Variants in PRTFDC1 observed in about 807,000 individuals in gnomAD.
PRTFDC1 encodes phosphoribosyl transferase domain containing 1.
In PRTFDC1, 38 loss-of-function variants were observed where a neutral mutation model predicts 34.6. That is an observed-to-expected ratio of 1.10 (90% confidence interval 0.85 to 1.44). PRTFDC1 has a LOEUF of 1.44. Ranked by LOEUF, PRTFDC1 falls within the 40% of genes most tolerant of loss-of-function variation. PRTFDC1 has a pLI of 0.00. For missense variants in PRTFDC1, 270 were observed against 283.0 expected (o/e 0.95, Z 0.33); for synonymous variants, 93 against 98.1 (o/e 0.95, Z 0.31).
At chr10:24,949,110 G>A (rs907909926) in intron 1 of PRTFDC1, among the ~76,000 whole-genome samples, 5 of 151,996 alleles carry the variant, frequency 3.3e-5, no homozygotes, top group African/African-American at 1.2e-4. Flanking sequence ...CCTTTTTTCA[G>A]ATGGGGTCTC....
intron 3 of PRTFDC1, among the ~76,000 whole-genome samples, chr10:24,905,985 A>G (rs1363758032): frequency 6.6e-6 from 1 of 152,026 alleles, no homozygotes; most frequent in Non-Finnish European, 1.5e-5. Flanking sequence ...TCCCACCAAT[A>G]AGTGAGAACA....
intron 4 of PRTFDC1, among the ~76,000 whole-genome samples, chr10:24,871,175 T>C (rs755780609): frequency 2.0e-5 from 3 of 152,020 alleles, no homozygotes; most frequent in Non-Finnish European, 4.4e-5. Context: ...ACCCGGGCAT[T>C]GCATAACGAT....
At chr10:24,945,666 A>G (rs1390510149) in intron 1 of PRTFDC1, among the ~76,000 whole-genome samples, 1 of 152,170 alleles carries the variant, frequency 6.6e-6, no homozygotes, top group Non-Finnish European at 1.5e-5. Context: ...TATGTTGCCC[A>G]GGCTGGTCTC....
chr10:24,902,253 A>T (rs765888333), intron 3 of PRTFDC1, among the ~76,000 whole-genome samples: 2 of 151,614 alleles, frequency 1.3e-5, no homozygotes, highest in African/African-American at 4.9e-5. Context: ...AGCAATCCAC[A>T]TTCTAGTTAG....
intron 3 of PRTFDC1, among the ~76,000 whole-genome samples, chr10:24,878,747 A>G (rs933309619): frequency 1.3e-5 from 2 of 152,164 alleles, no homozygotes; most frequent in African/African-American, 2.4e-5. Flanking sequence ...GGAAGAATAC[A>G]TATCCTAAAT....
intron 1 of PRTFDC1, chr10:24,951,440 C>G (rs1849343110): frequency 1.8e-6 from 1 of 546,252 alleles, no homozygotes; most frequent in African/African-American, 2.1e-5. Context: ...TAAATCAACT[C>G]CTCATCCTTT....
chr10:24,881,061 C>T (rs372427265), intron 3 of PRTFDC1, among the ~76,000 whole-genome samples: 19 of 119,952 alleles, frequency 1.6e-4, no homozygotes, highest in Admixed American at 3.9e-4. Flanking sequence ...CTTTTCTTTC[C>T]TTCCTTCCTT....
intron 3 of PRTFDC1, among the ~76,000 whole-genome samples, chr10:24,898,259 G>A (rs898972569): frequency 7.4e-6 from 1 of 134,404 alleles, no homozygotes; most frequent in African/African-American, 2.7e-5. Flanking sequence ...AGACCAGCCT[G>A]GGAAACATGG....
chr10:24,871,681 G>A (rs1328184344), intron 4 of PRTFDC1, among the ~76,000 whole-genome samples: 2 of 151,864 alleles, frequency 1.3e-5, no homozygotes, highest in East Asian at 1.9e-4. Context: ...TAAATAAAGG[G>A]AAAGCTTCCT....
chr10:24,854,968 T>C (rs529968253), intron 7 of PRTFDC1, among the ~76,000 whole-genome samples: 1 of 152,330 alleles, frequency 6.6e-6, no homozygotes, highest in East Asian at 1.9e-4. Flanking sequence ...CCTATGTGTC[T>C]GAGTCAGTCC....
At chr10:24,907,609 T>A (rs1848557577) in intron 3 of PRTFDC1, among the ~76,000 whole-genome samples, 1 of 151,986 alleles carries the variant, frequency 6.6e-6, no homozygotes, top group African/African-American at 2.4e-5. Flanking sequence ...AAAATAAAAA[T>A]CAAAATCAAG....
At chr10:24,941,383 T>C (rs1018845361) in intron 2 of PRTFDC1, among the ~76,000 whole-genome samples, 6 of 151,954 alleles carry the variant, frequency 3.9e-5, no homozygotes, top group Non-Finnish European at 8.8e-5. Flanking sequence ...TTTTTTTTTT[T>C]TTTGAGACAA....
chr10:24,868,764 C>A (rs1847827948), intron 4 of PRTFDC1, among the ~76,000 whole-genome samples: 1 of 149,790 alleles, frequency 6.7e-6, no homozygotes, highest in African/African-American at 2.5e-5. Context: ...AAACAAGTAC[C>A]CACTAACTGT....
chr10:24,880,960 T>C (rs1848069161), intron 3 of PRTFDC1, among the ~76,000 whole-genome samples: 2 of 151,288 alleles, frequency 1.3e-5, no homozygotes, highest in South Asian at 4.2e-4. Context: ...CCTTCTTCTT[T>C]CTTTCTTTCC....
chr10:24,882,024 C>T (rs561138921), intron 3 of PRTFDC1, among the ~76,000 whole-genome samples: 6 of 151,812 alleles, frequency 4.0e-5, no homozygotes, highest in South Asian at 4.2e-4. Flanking sequence ...CTGGCCAACA[C>T]GGTAAAACCC....
chr10:24,924,356 T>G (rs1848839083), intron 3 of PRTFDC1, among the ~76,000 whole-genome samples: 1 of 152,152 alleles, frequency 6.6e-6, no homozygotes, highest in African/African-American at 2.4e-5. Flanking sequence ...AATTGTCAGA[T>G]TCATCAAGGT....
intron 3 of PRTFDC1, among the ~76,000 whole-genome samples, chr10:24,889,730 C>T (rs1037713237): frequency 1.6e-4 from 24 of 152,168 alleles, no homozygotes; most frequent in African/African-American, 4.8e-4. Context: ...TTTCTAGAAC[C>T]ACCTTCCATT....
intron 3 of PRTFDC1, among the ~76,000 whole-genome samples, chr10:24,886,613 CT>C (rs1464467211): frequency 2.0e-5 from 3 of 152,094 alleles, no homozygotes. Context: ...GTGTTTCTTT[CT>C]TTTTTTACCC....
chr10:24,899,897 A>G (rs1848423383), intron 3 of PRTFDC1, among the ~76,000 whole-genome samples: 1 of 152,160 alleles, frequency 6.6e-6, no homozygotes, highest in South Asian at 2.1e-4. Context: ...TTTTACAGAT[A>G]TGGGTATCTG....
Sources: allele counts gnomAD v4.1 joint callset (sites outside exome capture counted in the v4.1 genomes callset), GRCh38; gene constraint gnomAD v4.1.1; transcripts MANE v1.5; gene names NCBI Gene and HGNC (gene_info 2026-07-23, HGNC 2026-07-21).